Variants in ZNF618 observed in about 807,000 individuals in gnomAD.
ZNF618 encodes the protein neural precursor cell expressed, developmentally down-regulated 10.
A neutral mutation model predicts 103.0 loss-of-function variants in ZNF618; 34 were observed. The observed-to-expected ratio is 0.33, with a 90% CI of 0.25 to 0.44. ZNF618 has a LOEUF of 0.44. Ranked by LOEUF, ZNF618 falls within the 20% of genes least tolerant of loss-of-function variation. The pLI, the probability that ZNF618 is intolerant of heterozygous loss-of-function variation, is 1.00. For synonymous variants in ZNF618, 551 were observed against 542.2 expected (o/e 1.02, Z -0.23); for missense variants, 1,059 against 1,295.4 (o/e 0.82, Z 2.80).
intron 1 of ZNF618, among the ~76,000 whole-genome samples, chr9:113,945,972 A>G (rs1834992590): frequency 6.6e-6 from 1 of 152,232 alleles, no homozygotes; most frequent in Non-Finnish European, 1.5e-5. Context: ...TGCTACTCCC[A>G]GGGACTGGCG....
intron 1 of ZNF618, among the ~76,000 whole-genome samples, chr9:113,928,947 C>G (rs1324911648): frequency 2.6e-5 from 4 of 152,140 alleles, no homozygotes; most frequent in African/African-American, 9.7e-5. Flanking sequence ...TTGTCCTTCC[C>G]TTAGGTCAGA....
At chr9:113,884,774 C>CAGAGAGAGAG (rs3034065) in intron 1 of ZNF618, among the ~76,000 whole-genome samples, 3 of 142,290 alleles carry the variant, frequency 2.1e-5, no homozygotes, top group Non-Finnish European at 4.6e-5. Flanking sequence ...CACAAACACA[C>CAGAGAGAGAG]AGAGAGAGAG....
intron 1 of ZNF618, among the ~76,000 whole-genome samples, chr9:113,886,567 T>G (rs1364868760): frequency 9.2e-5 from 14 of 152,114 alleles, no homozygotes; most frequent in South Asian, 2.1e-4. Flanking sequence ...TTTCTTAAAA[T>G]GTATGCTGGA....
intron 10 of ZNF618, among the ~76,000 whole-genome samples, chr9:114,018,845 A>C (rs1029833584): frequency 2.0e-5 from 3 of 152,156 alleles, no homozygotes; most frequent in African/African-American, 7.2e-5. Flanking sequence ...TCTGTGTTTA[A>C]AATACAGCAT....
At chr9:114,037,707 T>C (rs1844745688) in intron 13 of ZNF618, among the ~76,000 whole-genome samples, 1 of 152,248 alleles carries the variant, frequency 6.6e-6, no homozygotes, top group Admixed American at 6.5e-5. Context: ...CTAGAATCTC[T>C]TTTAGGCTAA....
chr9:114,015,165 AACT>A (rs1305395614), intron 9 of ZNF618, among the ~76,000 whole-genome samples: 1 of 152,198 alleles, frequency 6.6e-6, no homozygotes, highest in Non-Finnish European at 1.5e-5. Flanking sequence ...AAAATTATTT[AACT>A]ACTAAAAATT....
At chr9:113,906,192 G>T (rs1246033237) in intron 1 of ZNF618, among the ~76,000 whole-genome samples, 1 of 152,154 alleles carries the variant, frequency 6.6e-6, no homozygotes, top group Non-Finnish European at 1.5e-5. Flanking sequence ...GCATTTCAAA[G>T]ATATTACCAA....
intron 1 of ZNF618, among the ~76,000 whole-genome samples, chr9:113,891,408 T>C (rs1829609089): frequency 6.6e-6 from 1 of 152,196 alleles, no homozygotes; most frequent in African/African-American, 2.4e-5. Flanking sequence ...CCCAACATCA[T>C]TCATCAGTTC....
At chr9:113,988,836 C>G (rs1839743632) in intron 3 of ZNF618, among the ~76,000 whole-genome samples, 1 of 152,198 alleles carries the variant, frequency 6.6e-6, no homozygotes, top group Admixed American at 6.5e-5. Flanking sequence ...AAGTCAAATG[C>G]CTGGAACCTT....
Position 114,056,514 on chromosome 9 carries a change from CAGTT to C in ZNF618, c.*6350_*6353del, listed in dbSNP as rs752602972. The C allele has an allele frequency of 1.2e-4, 18 of 152,212 alleles. No individual in the cohort carries two copies. The highest frequency in any genetic ancestry group is 3.8e-4 in the East Asian group (2 of 5,200). 9.4% of individuals were successfully genotyped at this position (152,212 alleles called of 1,614,324 possible). A position where few individuals can be genotyped will look rare whatever the true frequency, so the allele number is the denominator to read the frequency against. Reference sequence around the variant, plus strand: ...GCCAAGGCAAAAAGATAACTTTTAACAGTTAGAGAGGATCAGTTGCTTAAATGAT... The same window carrying C: ...GCCAAGGCAAAAAGATAACTTTTAACAGAGAGGATCAGTTGCTTAAATGAT... On this transcript the variant is annotated 3_prime_UTR_variant, in exon 15 of 15. Coordinates refer to ENST00000374126, the MANE Select transcript of ZNF618 (RefSeq NM_001318042.2).
chr9:113,946,510 C>T (rs1835048043), intron 1 of ZNF618, among the ~76,000 whole-genome samples: 1 of 152,106 alleles, frequency 6.6e-6, no homozygotes, highest in African/African-American at 2.4e-5. Flanking sequence ...AGGCAGGCAG[C>T]CCTTCACTCC....
intron 13 of ZNF618, among the ~76,000 whole-genome samples, chr9:114,039,604 G>A (rs1214385371): frequency 6.6e-6 from 1 of 152,140 alleles, no homozygotes; most frequent in Non-Finnish European, 1.5e-5. Context: ...GCCCACCTCA[G>A]CCCCGCAAAG....
chr9:114,010,178 A>G (rs192756446), intron 9 of ZNF618, among the ~76,000 whole-genome samples: 42 of 152,158 alleles, frequency 2.8e-4, no homozygotes, highest in African/African-American at 7.9e-4. Flanking sequence ...ACGCACACCT[A>G]TAGCCCCAGC....
chr9:113,924,374 C>T (rs545395826), intron 1 of ZNF618, among the ~76,000 whole-genome samples: 4 of 149,574 alleles, frequency 2.7e-5, no homozygotes, highest in Non-Finnish European at 5.9e-5. Flanking sequence ...TGACCCCGTT[C>T]GATTTCTGAT....
At chr9:113,956,209 CAAAAAAAA>C (rs10537910) in intron 1 of ZNF618, among the ~76,000 whole-genome samples, 9 of 44,534 alleles carry the variant, frequency 2.0e-4, no homozygotes, top group Middle Eastern at 0.025. Flanking sequence ...AACTCTGTCT[CAAAAAAAA>C]AAAAAAAAAA....
rs766051581 is a variant in ZNF618 at position 114,049,768 on chromosome 9, C to T, written c.2466C>T (p.His822=). ...QKLRPVPPYQ[H]EEIIGKVCEL... is the part of the protein sequence containing the mutation. Reference sequence around the variant, plus strand: ...TGCGGCCTGTGCCACCCTACCAGCACGAGGAGATCATCGGCAAGGTCTGTG... The same window carrying T: ...TGCGGCCTGTGCCACCCTACCAGCATGAGGAGATCATCGGCAAGGTCTGTG... Residue 822 remains histidine (H), a synonymous_variant, in exon 15 of 15, where the codon CAC becomes CAT. Coordinates refer to ENST00000374126, the MANE Select transcript of ZNF618 (RefSeq NM_001318042.2). 21 of 1,613,972 alleles carry T rather than the reference C, an allele frequency of 1.3e-5. No homozygotes were observed. The highest frequency in any genetic ancestry group is 6.7e-5 in the East Asian group (3 of 44,884).
intron 3 of ZNF618, among the ~76,000 whole-genome samples, chr9:113,997,387 G>A (rs75189420): frequency 0.032 from 4,926 of 152,212 alleles, 208 homozygotes; most frequent in East Asian, 0.17. Context: ...GAGATTCACC[G>A]CGCACAGCCC....
At chr9:113,947,419 A>T (rs143881510) in intron 1 of ZNF618, among the ~76,000 whole-genome samples, 1 of 152,216 alleles carries the variant, frequency 6.6e-6, no homozygotes, top group African/African-American at 2.4e-5. Context: ...GGGAATAATT[A>T]TAATGTACTC....
intron 3 of ZNF618, among the ~76,000 whole-genome samples, chr9:113,997,602 C>T (rs539798187): frequency 3.9e-5 from 6 of 152,278 alleles, no homozygotes; most frequent in African/African-American, 9.6e-5. Flanking sequence ...GCCAGGACCC[C>T]GAGCCCACTA....
Sources: allele counts gnomAD v4.1 joint callset (sites outside exome capture counted in the v4.1 genomes callset), GRCh38; gene constraint gnomAD v4.1.1; transcripts MANE v1.5; gene names NCBI Gene and HGNC (gene_info 2026-07-23, HGNC 2026-07-21).